PROM1: variants seen among roughly 807,000 people sequenced by gnomAD.
PROM1 encodes the protein prominin-1.
In PROM1, 105 loss-of-function variants were observed where a neutral mutation model predicts 116.9. That is an observed-to-expected ratio of 0.90 (90% CI 0.77 to 1.06). The LOEUF (loss-of-function observed/expected upper bound fraction) is 1.06. Among genes scored for constraint, PROM1 ranks in the 50% least tolerant of loss-of-function variants. PROM1 has a pLI of 0.00. For synonymous variants in PROM1, 393 were observed against 387.0 expected (o/e 1.02, Z -0.18); for missense variants, 1,122 against 1,045.2 (o/e 1.07, Z -1.01).
chr4:15,980,585 G>A, intron 23 of PROM1, 48 bp from the exon 24 acceptor site: 3 of 1,168,866 alleles, frequency 2.6e-6, no homozygotes, highest in South Asian at 1.5e-5. Context: ...ATAAGAAATG[G>A]GAAAAACAGT....
chr4:16,036,501 C>T (rs144159459), intron 3 of PROM1, among the ~76,000 whole-genome samples: 164 of 152,246 alleles, frequency 1.1e-3, no homozygotes, highest in African/African-American at 3.3e-3. Flanking sequence ...TAAATGATCC[C>T]GGTCTCCCTT....
intron 8 of PROM1, among the ~76,000 whole-genome samples, chr4:16,022,246 T>A (rs1730094743): frequency 6.6e-6 from 1 of 152,018 alleles, no homozygotes; most frequent in Non-Finnish European, 1.5e-5. Flanking sequence ...TGAGGTCATA[T>A]CCCTTCTCTG....
At chr4:16,015,896 A>G (rs1322088170) in intron 10 of PROM1, among the ~76,000 whole-genome samples, 1 of 152,108 alleles carries the variant, frequency 6.6e-6, no homozygotes, top group African/African-American at 2.4e-5. Flanking sequence ...CATCACACCC[A>G]CTAAATTCTG....
chr4:16,060,828 T>C (rs1459943632), intron 2 of PROM1, among the ~76,000 whole-genome samples: 1 of 152,240 alleles, frequency 6.6e-6, no homozygotes, highest in Non-Finnish European at 1.5e-5. Context: ...ATAAACTTAG[T>C]TTGAAATTAT....
intron 17 of PROM1, 113 bp downstream of exon 17, chr4:15,992,135 T>C: frequency 4.4e-6 from 6 of 1,378,868 alleles, no homozygotes; most frequent in South Asian, 2.5e-5. Flanking sequence ...CACTTTAAAA[T>C]AGTCTTACAT....
chr4:16,075,928 A>T lies in PROM1; in HGVS notation c.-22T>A, dbSNP rs549278018. On this transcript the variant is annotated 5_prime_UTR_variant, in exon 2 of 28. An upstream start codon of the reference 5' UTR is lost. Transcript: ENST00000447510. Reference sequence around the variant, plus strand: ...CCATAGCTAGCAAGATCCTCCAAACATGAGGTAGAACTTGGTGCCTCCTGC... The same window carrying T: ...CCATAGCTAGCAAGATCCTCCAAACTTGAGGTAGAACTTGGTGCCTCCTGC... The T allele has an allele frequency of 5.0e-6, 8 of 1,585,046 alleles. No individual in the cohort carries two copies. The highest frequency in any genetic ancestry group is 6.9e-6 in the Non-Finnish European group (8 of 1,163,934).
At chr4:16,079,347 TGA>T (rs1004067968) in intron 1 of PROM1, 19 of 152,322 alleles carry the variant, frequency 1.2e-4, no homozygotes, top group African/African-American at 4.3e-4. Context: ...GACAATGACT[TGA>T]GATAGACAGC....
chr4:16,028,884 T>G (rs1732020176), intron 5 of PROM1, among the ~76,000 whole-genome samples: 1 of 152,240 alleles, frequency 6.6e-6, no homozygotes, highest in African/African-American at 2.4e-5. Flanking sequence ...GCCTTACATC[T>G]TCCATATTTT....
intron 2 of PROM1, among the ~76,000 whole-genome samples, chr4:16,064,032 C>T (rs1048563281): frequency 6.6e-6 from 1 of 152,110 alleles, no homozygotes; most frequent in Non-Finnish European, 1.5e-5. Context: ...AAAAAATTTG[C>T]TTGGCATACG....
chr4:16,075,148 G>A (rs2096977911), intron 2 of PROM1, among the ~76,000 whole-genome samples: 1 of 152,102 alleles, frequency 6.6e-6, no homozygotes, highest in South Asian at 2.1e-4. Flanking sequence ...TGACAGTTCT[G>A]GAAAGTGCCA....
intron 3 of PROM1, among the ~76,000 whole-genome samples, chr4:16,038,606 T>C (rs1342149220): frequency 6.6e-6 from 1 of 152,108 alleles, no homozygotes. Flanking sequence ...TTTCACCATA[T>C]TGGCCAGGCT....
intron 20 of PROM1, 126 bp downstream of exon 20, chr4:15,987,537 A>G: frequency 4.0e-6 from 4 of 1,010,200 alleles, no homozygotes; most frequent in Non-Finnish European, 6.0e-6. Context: ...TTTGCTATTT[A>G]AAATAGGTAG....
At chr4:16,039,145 A>T in intron 2 of PROM1, 144 bp from the exon 3 acceptor site, 1 of 684,650 alleles carries the variant, frequency 1.5e-6, no homozygotes, top group Non-Finnish European at 2.0e-6. Flanking sequence ...TTCTTAATGT[A>T]GGTAAATAAT....
intron 5 of PROM1, among the ~76,000 whole-genome samples, chr4:16,029,869 C>T (rs773254010): frequency 7.9e-5 from 12 of 152,150 alleles, no homozygotes; most frequent in Non-Finnish European, 1.3e-4. Context: ...CCGCTGAAGT[C>T]AATGTCAGCT....
intron 8 of PROM1, among the ~76,000 whole-genome samples, chr4:16,020,090 A>C (rs980391951): frequency 1.3e-5 from 2 of 152,100 alleles, no homozygotes; most frequent in Non-Finnish European, 2.9e-5. Flanking sequence ...GTGCCCTAAT[A>C]GCTTGTGGGG....
chr4:16,006,473 G>A lies in PROM1; in HGVS notation c.1454+65C>T. 7 of 1,488,754 alleles carry A rather than the reference G, an allele frequency of 4.7e-6. No individual in the cohort carries two copies. The South Asian group carries it at 5.4e-5, about 12-fold the overall frequency. The allele number at this position is 1,488,754 out of a possible 1,614,324, so 92.2% of individuals were successfully genotyped here. On this transcript the variant is annotated intron_variant, in intron 13 of 27. Coordinates refer to ENST00000447510, the MANE Select transcript of PROM1 (RefSeq NM_006017.3). ...AGGGCGCCGGGTTCATGTAACACCA[G>A]AGTCAGCACCCAGTCTCTCTCCTGC...
At chr4:15,990,046 T>A (rs1189322461) in intron 18 of PROM1, among the ~76,000 whole-genome samples, 1 of 152,148 alleles carries the variant, frequency 6.6e-6, no homozygotes, top group Non-Finnish European at 1.5e-5. Flanking sequence ...CCAAGAGCCC[T>A]TCCTGAGTGC....
intron 15 of PROM1, among the ~76,000 whole-genome samples, chr4:15,994,604 TG>T (rs1317782942): frequency 1.3e-5 from 2 of 152,172 alleles, no homozygotes; most frequent in Non-Finnish European, 2.9e-5. Context: ...ACAGTTTGGC[TG>T]TAACCTAAGT....
intron 2 of PROM1, among the ~76,000 whole-genome samples, chr4:16,054,232 T>C (rs774296027): frequency 3.3e-5 from 5 of 152,276 alleles, no homozygotes; most frequent in African/African-American, 4.8e-5. Context: ...ATCTCTCTTC[T>C]ACTCCATTCC....
Sources: allele counts gnomAD v4.1 joint callset (sites outside exome capture counted in the v4.1 genomes callset), GRCh38; gene constraint gnomAD v4.1.1; transcripts MANE v1.5; gene names NCBI Gene and HGNC (gene_info 2026-07-23, HGNC 2026-07-21).